The following IFT140 variants were observed in gnomAD, a reference collection of about 807,000 sequenced individuals.
IFT140 encodes intraflagellar transport protein 140 homolog.
IFT140 carries 133 observed loss-of-function variants against 164.6 expected under a neutral mutation model. That is an observed-to-expected ratio of 0.81 (90% confidence interval 0.70 to 0.93). IFT140 has a LOEUF of 0.93. Among genes scored for constraint, IFT140 ranks in the 40% least tolerant of loss-of-function variants. The probability of loss-of-function intolerance (pLI) is 0.00; values close to 1 mark genes in which losing one functional copy is unlikely to be tolerated. For synonymous variants in IFT140, 860 were observed against 817.3 expected (o/e 1.05, Z -0.89); for missense variants, 2,045 against 1,972.3 (o/e 1.04, Z -0.70).
At chr16:1,516,163 A>ACC in intron 30 of IFT140, among the ~76,000 whole-genome samples, 1 of 95,254 alleles carries the variant, frequency 1.0e-5, no homozygotes, top group African/African-American at 5.7e-5. Flanking sequence ...AAAAAAAAAA[A>ACC]AAAAAAAAAA....
At chr16:1,593,346 T>C (rs1484794086) in intron 4 of IFT140, among the ~76,000 whole-genome samples, 1 of 152,036 alleles carries the variant, frequency 6.6e-6, no homozygotes, top group Non-Finnish European at 1.5e-5. Context: ...GAGTCTCACT[T>C]TGTCACTCAG....
intron 19 of IFT140, 132 bp from the exon 20 acceptor site, chr16:1,526,928 A>C: frequency 3.0e-6 from 3 of 990,842 alleles, no homozygotes; most frequent in Non-Finnish European, 4.3e-6. Flanking sequence ...GCCTTCACCC[A>C]TCGGCTCCGC....
At chr16:1,519,159 C>G (rs552518482) in intron 29 of IFT140, among the ~76,000 whole-genome samples, 1 of 152,238 alleles carries the variant, frequency 6.6e-6, no homozygotes, top group Non-Finnish European at 1.5e-5. Flanking sequence ...AGAATCGACA[C>G]GTGCAGGTGG....
Position 1,533,022 on chromosome 16 carries a change from G to C in IFT140, c.2400-6226C>G. On this transcript the variant is annotated intron_variant, in intron 19 of 30. Coordinates refer to ENST00000426508, the MANE Select transcript of IFT140 (RefSeq NM_014714.4). This position sits in a 1 kb window ranked among gnomAD's most constrained non-coding sequence, Gnocchi z 4.7. ...GCACATCCAGAATCTTACCCTTCTT[G>C]CCACCTAAGAATGACCTGGCCTCGA... is the stretch of plus-strand genomic sequence containing the variant. The C allele has an allele frequency of 6.6e-6, 1 of 152,430 alleles. No homozygotes were observed. The highest frequency in any genetic ancestry group is 1.5e-5 in the Non-Finnish European group (1 of 68,310). 9.4% of individuals were successfully genotyped at this position (152,430 alleles called of 1,614,324 possible). A position where few individuals can be genotyped will look rare whatever the true frequency, so the allele number is the denominator to read the frequency against.
chr16:1,529,624 C>G (rs1385903631), intron 19 of IFT140, among the ~76,000 whole-genome samples: 1 of 152,228 alleles, frequency 6.6e-6, no homozygotes, highest in East Asian at 1.9e-4. Context: ...GTGCTGCCCT[C>G]GGTCCTCTAG....
chr16:1,525,602 T>TGTCCTCAGGAGACATCAGGCCC (rs1347011915), intron 21 of IFT140, among the ~76,000 whole-genome samples: 4 of 152,210 alleles, frequency 2.6e-5, no homozygotes. Context: ...GGGGTTTGTC[T>TGTCCTCAGGAGACATCAGGCCC]GTCCTCAGGA....
chr16:1,589,068 G>A (rs955626831), intron 7 of IFT140, among the ~76,000 whole-genome samples: 4 of 152,190 alleles, frequency 2.6e-5, no homozygotes, highest in East Asian at 1.9e-4. Context: ...CCCCTGGGAC[G>A]AGGTCCCTGT....
At chr16:1,548,176 C>T (rs999382176) in intron 19 of IFT140, among the ~76,000 whole-genome samples, 1 of 152,236 alleles carries the variant, frequency 6.6e-6, no homozygotes, top group Non-Finnish European at 1.5e-5. Context: ...AATGCCAGCC[C>T]CAGCAGGGAC....
At chr16:1,589,859 A>G (rs112431294) in intron 6 of IFT140, 79 bp from the exon 7 acceptor site, 3 of 1,316,302 alleles carry the variant, frequency 2.3e-6, no homozygotes, top group South Asian at 2.6e-5. Flanking sequence ...AGCCATTTCT[A>G]TCAACTTAAG....
chr16:1,592,705 G>A (rs2035248270), intron 4 of IFT140, 117 bp from the exon 5 acceptor site: 3 of 1,458,752 alleles, frequency 2.1e-6, no homozygotes, highest in Non-Finnish European at 2.8e-6. Flanking sequence ...AGAGCGACTG[G>A]TGGAGGGACA....
At chr16:1,597,561 C>T (rs941262265) in intron 4 of IFT140, among the ~76,000 whole-genome samples, 7 of 152,206 alleles carry the variant, frequency 4.6e-5, no homozygotes, top group African/African-American at 1.7e-4. Context: ...CGCCTTGCAC[C>T]AAGTCTGGGG....
Position 1,525,938 on chromosome 16 carries a change from C to A in IFT140, c.2717G>T (p.Arg906Leu), listed in dbSNP as rs754338217. 14 of 1,575,580 alleles carry A rather than the reference C, an allele frequency of 8.9e-6. No individual in the cohort carries two copies. In the East Asian group the frequency reaches 2.6e-4, roughly 29 times the overall value. Residue 906 changes from arginine (R) to leucine (L), a missense_variant, in exon 21 of 31, where the codon CGC becomes CTC. Transcript: ENST00000426508. Reference protein sequence around the residue: ...DRVHLRSTYHRYAGHLEASAD... With the variant: ...DRVHLRSTYHLYAGHLEASAD... The stretch of plus-strand genomic sequence containing the variant: ...GCTGGCCTCCAGGTGCCCGGCATAG[C>A]GGTGGTAGGTGCTGCGCAGGTGCAC...
intron 5 of IFT140, 39 bp from the exon 6 acceptor site, chr16:1,592,357 A>T (rs757820405): frequency 4.3e-6 from 7 of 1,613,182 alleles, no homozygotes; most frequent in East Asian, 4.5e-5. Context: ...TTCTTCTGCC[A>T]CTCCTACAGC....
In IFT140 at chr16:1,513,889, G is replaced by C. The variant is rs947397960; in HGVS notation, c.4183-2739C>G. Among the ~76,000 whole-genome samples, 10 of 142,918 alleles carry C rather than the reference G, an allele frequency of 7.0e-5. 1 individual carries two copies. The highest frequency in any genetic ancestry group is 4.8e-4 in the East Asian group (2 of 4,146). The allele number at this position is 142,918 out of a possible 152,430, so 93.8% of individuals were successfully genotyped here. ...GGGGTTTCACCGTGTTAGCCAAGAT[G>C]GTCTCCATCTCCTGACCTCATGATC... On this transcript the variant is annotated intron_variant, in intron 30 of 30. Coordinates refer to ENST00000426508, the MANE Select transcript of IFT140 (RefSeq NM_014714.4).
chr16:1,536,020 T>A (rs1350192242), intron 19 of IFT140, among the ~76,000 whole-genome samples: 1 of 152,244 alleles, frequency 6.6e-6, no homozygotes, highest in African/African-American at 2.4e-5. Flanking sequence ...GGGCAGCGGC[T>A]TTAGGCCCCT....
chr16:1,586,006 C>T, intron 10 of IFT140, 124 bp downstream of exon 10: 1 of 1,112,870 alleles, frequency 9.0e-7, no homozygotes, highest in East Asian at 2.4e-5. Context: ...CTCCTGACCT[C>T]ATGATCCACC....
intron 13 of IFT140, among the ~76,000 whole-genome samples, chr16:1,575,353 C>T (rs762375515): frequency 3.2e-4 from 48 of 150,624 alleles, no homozygotes; most frequent in Non-Finnish European, 5.0e-4. Flanking sequence ...CTAGCCTGGG[C>T]GACAGGATGA....
At chr16:1,580,490 C>A in intron 13 of IFT140, 2 of 349,548 alleles carry the variant, frequency 5.7e-6, no homozygotes, top group Non-Finnish European at 1.1e-5. Flanking sequence ...CCTGCTCCGG[C>A]TATGTAGGAT....
chr16:1,512,399 G>A (rs939215734), intron 30 of IFT140, among the ~76,000 whole-genome samples: 2 of 152,108 alleles, frequency 1.3e-5, no homozygotes, highest in Non-Finnish European at 2.9e-5. Context: ...ACGTGACCCC[G>A]GGTGGCGCTA....
Sources: allele counts gnomAD v4.1 joint callset (sites outside exome capture counted in the v4.1 genomes callset), GRCh38; gene constraint gnomAD v4.1.1; non-coding constraint Gnocchi (gnomAD v3.1); transcripts MANE v1.5; gene names NCBI Gene and HGNC (gene_info 2026-07-23, HGNC 2026-07-21).